Variants in COL23A1 observed in about 807,000 individuals in gnomAD.
COL23A1 encodes collagen type XXIII alpha 1 chain, also known as collagen alpha-1(XXIII) chain.
A neutral mutation model predicts 99.3 loss-of-function variants in COL23A1; 97 were observed. That is an observed-to-expected ratio of 0.98 (90% confidence interval 0.83 to 1.16). COL23A1 has a LOEUF of 1.16. Ranked by LOEUF, COL23A1 falls within the 50% of genes most tolerant of loss-of-function variation. COL23A1 has a pLI of 0.00. For synonymous variants in COL23A1, 320 were observed against 308.2 expected, an observed-to-expected ratio of 1.04 and a Z score of -0.40; for missense variants, 762 against 757.4, an observed-to-expected ratio of 1.01 and a Z score of -0.07.
chr5:178,247,155 G>C (rs1764743085), intron 22 of COL23A1, among the ~76,000 whole-genome samples: 1 of 144,882 alleles, frequency 6.9e-6, no homozygotes, highest in Non-Finnish European at 1.5e-5. Flanking sequence ...GCAGCTGAGA[G>C]ACAGATGTGT....
At chr5:178,491,704 T>G (rs2127970520) in intron 2 of COL23A1, among the ~76,000 whole-genome samples, 1 of 152,278 alleles carries the variant, frequency 6.6e-6, no homozygotes, top group South Asian at 2.1e-4. Context: ...CATCTTGATT[T>G]TTTTTTCAAT....
intron 2 of COL23A1, among the ~76,000 whole-genome samples, chr5:178,532,301 G>A (rs1760691958): frequency 6.6e-6 from 1 of 152,242 alleles, no homozygotes; most frequent in African/African-American, 2.4e-5. Context: ...CCCTGGGAGA[G>A]GCTCATTTTG....
intron 2 of COL23A1, among the ~76,000 whole-genome samples, chr5:178,465,826 C>T (rs963372010): frequency 6.6e-5 from 10 of 152,192 alleles, no homozygotes; most frequent in Non-Finnish European, 1.2e-4. Context: ...GAGGGACTGG[C>T]GTGCAGGGGC....
chr5:178,425,887 T>C (rs554101243), intron 2 of COL23A1, among the ~76,000 whole-genome samples: 1 of 152,382 alleles, frequency 6.6e-6, no homozygotes, highest in East Asian at 1.9e-4. Flanking sequence ...TGCTACTGCC[T>C]GCCCATGGGG....
intron 2 of COL23A1, among the ~76,000 whole-genome samples, chr5:178,559,645 C>T (rs369699997): frequency 4.6e-5 from 6 of 129,436 alleles, no homozygotes; most frequent in Middle Eastern, 4.6e-3. Context: ...TTTCCCTGCA[C>T]GTCGAGAAGT....
Position 178,590,119 on chromosome 5 carries a change from A to T in COL23A1, c.79T>A (p.Ser27Thr), listed in dbSNP as rs1428657934. The change falls in exon 1 of 29, where the codon TCG becomes ACG. Residue 27 changes from serine (S) to threonine (T), a missense_variant. Ser to Thr is a moderately conservative substitution (Grantham distance 58). Coordinates refer to ENST00000390654, the MANE Select transcript of COL23A1 (RefSeq NM_173465.4). The surrounding 1 kb of genome is among the most constrained non-coding windows in gnomAD (Gnocchi z 5.7). ...NAAGGGGGGR[S>T]ATTAGSRAVS... ...GCCCGGGACCCGGCCGTCGTCGCCG[A>T]GCGCCCTCCGCCGCCGCCGCCCGCC... is the stretch of plus-strand genomic sequence containing the variant. 4 of 1,245,830 alleles carry T rather than the reference A, an allele frequency of 3.2e-6. No individual in the cohort carries two copies. Among genetic ancestry groups the T allele is most frequent in the Admixed American group, 4.0e-5 (1 of 24,978 alleles). 77.2% of individuals were successfully genotyped at this position (1,245,830 alleles called of 1,614,324 possible).
chr5:178,247,137 A>C (rs1432471308), intron 22 of COL23A1, among the ~76,000 whole-genome samples: 2 of 145,754 alleles, frequency 1.4e-5, no homozygotes, highest in African/African-American at 2.5e-5. Context: ...CTTTGTGCTT[A>C]GACTGTGGCA....
At position 178,459,336 on chromosome 5, in the gene COL23A1, G is replaced by A. The variant is rs138179512; in HGVS notation, c.361+101346C>T. On this transcript the variant is annotated intron_variant, in intron 2 of 28. Transcript: ENST00000390654. Reference sequence around the variant, plus strand: ...AATTTGCTTCCAAATTACCCAGGTGGCTAATAGGTGGGAAACAAGATGTTT... The same window carrying A: ...AATTTGCTTCCAAATTACCCAGGTGACTAATAGGTGGGAAACAAGATGTTT... 5.1e-4 allele frequency among the ~76,000 whole-genome samples: 77 copies of A among 152,252 alleles called. 1 individual carries two copies. In the East Asian group the frequency reaches 0.014, roughly 28 times the overall value.
chr5:178,345,537 G>C (rs1263486334), intron 2 of COL23A1, among the ~76,000 whole-genome samples: 1 of 147,206 alleles, frequency 6.8e-6, no homozygotes, highest in Non-Finnish European at 1.5e-5. Flanking sequence ...TTTTTTTTGA[G>C]ACAGAGTTTC....
At chr5:178,288,182 G>T in intron 5 of COL23A1, 142 bp downstream of exon 5, 1 of 832,690 alleles carries the variant, frequency 1.2e-6, no homozygotes, top group Non-Finnish European at 2.1e-6. Context: ...CAGAGCTCAC[G>T]CTAATCGCCT....
At chr5:178,369,055 G>A (rs1023629212) in intron 2 of COL23A1, among the ~76,000 whole-genome samples, 2 of 152,232 alleles carry the variant, frequency 1.3e-5, no homozygotes, top group Non-Finnish European at 2.9e-5. Flanking sequence ...CCAGCCAGAG[G>A]TGAGGACCTT....
chr5:178,470,788 T>C (rs891419800), intron 2 of COL23A1, among the ~76,000 whole-genome samples: 3 of 48,940 alleles, frequency 6.1e-5, no homozygotes, highest in Non-Finnish European at 2.3e-4. Context: ...AGATACCTCC[T>C]GTCTCAAGGA....
intron 2 of COL23A1, among the ~76,000 whole-genome samples, chr5:178,423,395 G>C (rs760968618): frequency 7.2e-5 from 11 of 152,176 alleles, no homozygotes; most frequent in Non-Finnish European, 1.5e-4. Flanking sequence ...GTGATCATGA[G>C]AATGAACCAG....
chr5:178,298,424 C>T (rs1338139588), intron 3 of COL23A1, among the ~76,000 whole-genome samples: 3 of 152,174 alleles, frequency 2.0e-5, no homozygotes, highest in Admixed American at 1.3e-4. Flanking sequence ...AAGGGTGTGT[C>T]CAGCCTTCCT....
rs1018283158 is a variant in COL23A1, at chr5:178,308,299, G to A, written c.362-1380C>T. Among the ~76,000 whole-genome samples the A allele has an allele frequency of 3.9e-5, 6 of 152,160 alleles. No homozygotes were observed. The highest frequency in any genetic ancestry group is 8.8e-5 in the Non-Finnish European group (6 of 68,020). On this transcript the variant is annotated intron_variant, in intron 2 of 28. Transcript: ENST00000390654. The surrounding 1 kb of genome is among the most constrained non-coding windows in gnomAD (Gnocchi z 5.1). The stretch of plus-strand genomic sequence containing the variant: ...GCAGGCCCAGGGGTGAGGCGAGAAT[G>A]AATTTCTTGCCAGCCTCAGGGACAG...
intron 2 of COL23A1, among the ~76,000 whole-genome samples, chr5:178,547,728 A>C (rs1297863108): frequency 2.0e-3 from 3 of 1,466 alleles, no homozygotes; most frequent in Non-Finnish European, 3.9e-3. Flanking sequence ...ACACCCACAC[A>C]CCCACCCCAC....
At position 178,486,389 on chromosome 5, in the gene COL23A1, C is replaced by A. The variant is rs141336143; in HGVS notation, c.361+74293G>T. ...ATCCTGCAGCATAAGTAAGATCCAG[C>A]GCAGAGAATACCCGAGGGTGAACCG... On this transcript the variant is annotated intron_variant, in intron 2 of 28. Transcript: ENST00000390654. 2.3e-3 allele frequency among the ~76,000 whole-genome samples: 348 copies of A among 152,282 alleles called. 2 individuals carry two copies. The highest frequency in any genetic ancestry group is 7.4e-3 in the African/African-American group (309 of 41,548).
chr5:178,288,257 G>T, intron 5 of COL23A1, 67 bp downstream of exon 5: 1 of 1,313,322 alleles, frequency 7.6e-7, no homozygotes, highest in Non-Finnish European at 1.1e-6. Context: ...TTAAATCAAG[G>T]CTCAGGGAAA....
At chr5:178,319,352 C>T (rs1328791460) in intron 2 of COL23A1, among the ~76,000 whole-genome samples, 2 of 152,330 alleles carry the variant, frequency 1.3e-5, no homozygotes, top group Middle Eastern at 6.8e-3. Flanking sequence ...CTCCTCTGAA[C>T]TTAACGAAGG....
Sources: gnomAD v4.1 joint callset for allele counts (sites outside exome capture counted in the v4.1 genomes callset) on GRCh38, gnomAD v4.1.1 for gene constraint, Gnocchi (gnomAD v3.1) non-coding constraint, MANE v1.5 for transcripts, NCBI Gene and HGNC (gene_info 2026-07-23, HGNC 2026-07-21) for gene names.